The following ZFHX4 variants were observed in gnomAD, a reference collection of about 807,000 sequenced individuals.
ZFHX4 encodes zinc finger homeobox 4.
A neutral mutation model predicts 267.6 loss-of-function variants in ZFHX4; 56 were observed. That is an observed-to-expected ratio of 0.21 (90% CI 0.17 to 0.26). ZFHX4 has a LOEUF of 0.26. ZFHX4 is among the 10% of genes least tolerant of loss of function. The pLI, the probability that ZFHX4 is intolerant of heterozygous loss-of-function variation, is 1.00. For missense variants in ZFHX4, 4,332 were observed against 4,420.0 expected, an observed-to-expected ratio of 0.98 and a Z score of 0.56; for synonymous variants, 1,778 against 1,665.6, an observed-to-expected ratio of 1.07 and a Z score of -1.64.
chr8:76,781,381 A>G (rs977913814), intron 4 of ZFHX4, among the ~76,000 whole-genome samples: 3 of 152,100 alleles, frequency 2.0e-5, no homozygotes, highest in African/African-American at 4.8e-5. Context: ...CCCTTCCAAT[A>G]CATGAGTAAT....
chr8:76,725,992 G>A (rs183186699), intron 3 of ZFHX4, among the ~76,000 whole-genome samples: 1 of 152,284 alleles, frequency 6.6e-6, no homozygotes, highest in Non-Finnish European at 1.5e-5. Flanking sequence ...GGAGGCTGAA[G>A]GAGTGGGGCA....
At chr8:76,797,882 CTGTA>C (rs770841803) in intron 4 of ZFHX4, among the ~76,000 whole-genome samples, 7 of 135,682 alleles carry the variant, frequency 5.2e-5, no homozygotes, top group South Asian at 2.5e-4. Context: ...GGGTGTGTGT[CTGTA>C]TGTGTGTGTG....
intron 1 of ZFHX4, among the ~76,000 whole-genome samples, chr8:76,691,160 G>A (rs1035543623): frequency 6.6e-6 from 1 of 152,034 alleles, no homozygotes; most frequent in Non-Finnish European, 1.5e-5. Flanking sequence ...AGAGTTGGAA[G>A]GAAAAATGTG....
In ZFHX4 at chr8:76,806,450, A is replaced by C. The variant is rs142659117; in HGVS notation, c.3326-26888A>C. On this transcript the variant is annotated intron_variant, in intron 4 of 10. Coordinates refer to ENST00000651372, the MANE Select transcript of ZFHX4 (RefSeq NM_024721.5). ...TTTTGGTTATAGGTAAAATGGGATT[A>C]ATGACACAGAAAAAATATTAGCAAA... Among the ~76,000 whole-genome samples, 184 of 152,212 alleles carry C rather than the reference A, an allele frequency of 1.2e-3. 1 individual carries two copies. The highest frequency in any genetic ancestry group is 9.5e-3 in the Admixed American group (145 of 15,256).
chr8:76,847,144 T>C (rs1812384902), intron 6 of ZFHX4, among the ~76,000 whole-genome samples: 1 of 152,178 alleles, frequency 6.6e-6, no homozygotes, highest in Non-Finnish European at 1.5e-5. Context: ...GTAAGTTTTA[T>C]TTGAAAATAT....
At chr8:76,813,907 G>C (rs1017816171) in intron 4 of ZFHX4, among the ~76,000 whole-genome samples, 1 of 151,802 alleles carries the variant, frequency 6.6e-6, no homozygotes. Flanking sequence ...GATTCCTTTT[G>C]GACTTTATAT....
chr8:76,755,254 G>A (rs1321823869), intron 3 of ZFHX4, among the ~76,000 whole-genome samples: 2 of 152,040 alleles, frequency 1.3e-5, no homozygotes, highest in Non-Finnish European at 2.9e-5. Flanking sequence ...TATATATGGT[G>A]TAAATATTTT....
rs1435164303 is a variant in ZFHX4 at position 76,854,579 on chromosome 8, G to A, written c.7658G>A (p.Gly2553Asp). 1.2e-6 allele frequency: 2 copies of A among 1,613,688 alleles called. No homozygotes were observed. Among genetic ancestry groups the A allele is most frequent in the African/African-American group, 2.7e-5 (2 of 74,974 alleles). The change falls in exon 10 of 11, where the codon GGC (glycine) becomes GAC (aspartate). Residue 2553 changes from glycine to aspartate, a missense_variant. Gly to Asp is a moderately conservative substitution (Grantham distance 94). Around this residue, in one of 7 missense-constraint regions of ZFHX4, gnomAD observed 1,648 missense variants for 1,625.0 expected, o/e 1.01. Transcript: ENST00000651372. Reference protein sequence around the residue: ...NNPLMTGQLLGSSLTQMPPQA... With the variant: ...NNPLMTGQLLDSSLTQMPPQA... ...CCGCTGATGACTGGACAACTGCTGG[G>A]CAGTTCCCTCACTCAAATGCCCCCT...
At chr8:76,782,100 ATT>A (rs77420241) in intron 4 of ZFHX4, 18,515 of 234,576 alleles carry the variant, frequency 0.079, 375 homozygotes, top group East Asian at 0.18. Flanking sequence ...TCAGTTAAGA[ATT>A]TTTTTTTTTT....
At chr8:76,726,182 A>C (rs1808848239) in intron 3 of ZFHX4, among the ~76,000 whole-genome samples, 1 of 152,174 alleles carries the variant, frequency 6.6e-6, no homozygotes. Flanking sequence ...TGCAGACAAC[A>C]AAAATCAAAA....
At chr8:76,774,830 G>A (rs1472096110) in intron 3 of ZFHX4, among the ~76,000 whole-genome samples, 1 of 151,956 alleles carries the variant, frequency 6.6e-6, no homozygotes, top group Non-Finnish European at 1.5e-5. Flanking sequence ...GGTCCAAATA[G>A]CAATGACTTT....
intron 5 of ZFHX4, chr8:76,834,360 T>A: frequency 4.2e-6 from 1 of 240,304 alleles, no homozygotes; most frequent in Non-Finnish European, 8.5e-6. Flanking sequence ...CAGCGATGAA[T>A]GAGAGTTCCT....
chr8:76,809,772 C>A (rs929714477), intron 4 of ZFHX4, among the ~76,000 whole-genome samples: 1 of 151,932 alleles, frequency 6.6e-6, no homozygotes, highest in Non-Finnish European at 1.5e-5. Context: ...GAAGGTGAAT[C>A]AAATTAGTAA....
chr8:76,862,693 G>A (rs1231567964), intron 10 of ZFHX4, among the ~76,000 whole-genome samples: 1 of 152,178 alleles, frequency 6.6e-6, no homozygotes, highest in Non-Finnish European at 1.5e-5. Context: ...GAGAGAGTCT[G>A]CCTTCCCAGA....
intron 4 of ZFHX4, among the ~76,000 whole-genome samples, chr8:76,830,468 G>A (rs1323874762): frequency 1.3e-5 from 2 of 152,162 alleles, no homozygotes; most frequent in East Asian, 3.8e-4. Flanking sequence ...AGTTATTAAA[G>A]TGACATATTG....
intron 3 of ZFHX4, among the ~76,000 whole-genome samples, chr8:76,723,855 T>C (rs1371219424): frequency 6.6e-6 from 1 of 152,066 alleles, no homozygotes; most frequent in Non-Finnish European, 1.5e-5. Context: ...CCTCTAATCT[T>C]GGGGAAAGTG....
At chr8:76,769,164 G>C (rs1370635521) in intron 3 of ZFHX4, among the ~76,000 whole-genome samples, 2 of 152,110 alleles carry the variant, frequency 1.3e-5, no homozygotes, top group African/African-American at 4.8e-5. Flanking sequence ...GAAAGTAGGA[G>C]TCAGCAATGT....
Position 76,852,571 on chromosome 8 carries a change from G to C in ZFHX4, c.5650G>C (p.Asp1884His). 6.2e-7 allele frequency: 1 copy of C among 1,611,574 alleles called. No individual in the cohort carries two copies. The highest frequency in any genetic ancestry group is 8.5e-7 in the Non-Finnish European group (1 of 1,178,684). Residue 1884 changes from aspartate (D) to histidine (H), a missense_variant, in exon 10 of 11, where the codon GAC (aspartate) becomes CAC (histidine). By Grantham distance (81) the Asp-to-His change is moderately conservative. Around this residue, in one of 7 missense-constraint regions of ZFHX4, gnomAD observed 1,371 missense variants for 1,423.1 expected, o/e 0.96. Transcript: ENST00000651372. ...AGGTGAAGGACTCAAAGAAGGCAAA[G>C]ACACAAAGAAGCAAAAATCCTTGGA... The part of the protein sequence containing the change: ...SEGEGLKEGK[D>H]TKKQKSLEPS...
intron 3 of ZFHX4, among the ~76,000 whole-genome samples, chr8:76,756,812 T>C (rs1158415529): frequency 6.6e-6 from 1 of 151,932 alleles, no homozygotes; most frequent in Non-Finnish European, 1.5e-5. Flanking sequence ...ATATTTCTGA[T>C]TTTTTCTCTT....
Sources: gnomAD v4.1 joint callset for allele counts (sites outside exome capture counted in the v4.1 genomes callset) on GRCh38, gnomAD v4.1.1 for gene constraint, gnomAD v4.1.1 regional missense constraint, MANE v1.5 for transcripts, NCBI Gene and HGNC (gene_info 2026-07-23, HGNC 2026-07-21) for gene names.